RPSA2: variants seen among roughly 807,000 people sequenced by gnomAD.
RPSA2 encodes small ribosomal subunit protein uS2B.
the RPSA2 span, among the ~76,000 whole-genome samples, chr19:23,839,548 T>TA: frequency 6.6e-6 from 1 of 152,144 alleles, no homozygotes; most frequent in East Asian, 1.9e-4. Flanking sequence ...TGTGGTAAAA[T>TA]AAAAAGGCTT....
chr19:23,779,024 G>A, the RPSA2 span, among the ~76,000 whole-genome samples: 20 of 100,706 alleles, frequency 2.0e-4, no homozygotes, highest in East Asian at 6.9e-4. Flanking sequence ...TTTTTGAGAC[G>A]GAGTCTCGCT....
At chr19:23,807,585 T>G in the RPSA2 span, among the ~76,000 whole-genome samples, 1 of 152,234 alleles carries the variant, frequency 6.6e-6, no homozygotes, top group Admixed American at 6.5e-5. Context: ...ATTTTATACT[T>G]TATCATCCAG....
the RPSA2 span, among the ~76,000 whole-genome samples, chr19:23,830,534 C>G: frequency 2.0e-5 from 3 of 151,938 alleles, no homozygotes; most frequent in Admixed American, 2.0e-4. Flanking sequence ...TTATAAATAT[C>G]TTTCTGTGAT....
At chr19:23,786,458 A>C in the RPSA2 span, among the ~76,000 whole-genome samples, 148,915 of 152,238 alleles carry the variant, frequency 0.98, 72,925 homozygotes, top group Middle Eastern at 1. Flanking sequence ...TTGGGGACCC[A>C]ACAAATTTTA....
At chr19:23,863,773 A>G in the RPSA2 span, among the ~76,000 whole-genome samples, 1 of 152,218 alleles carries the variant, frequency 6.6e-6, no homozygotes, top group Non-Finnish European at 1.5e-5. Flanking sequence ...TAATAATGAA[A>G]TAATCTCTAA....
At chr19:23,761,901 A>ATTCTTTCTTTCTTTCT in the RPSA2 span, among the ~76,000 whole-genome samples, 1 of 34,016 alleles carries the variant, frequency 2.9e-5, no homozygotes, top group Non-Finnish European at 6.7e-5. Flanking sequence ...GGGTAACGTA[A>ATTCTTTCTTTCTTTCT]TTCTTTCTTT....
the RPSA2 span, among the ~76,000 whole-genome samples, chr19:23,768,821 C>T: frequency 1.3e-5 from 2 of 151,060 alleles, no homozygotes; most frequent in South Asian, 2.1e-4. Context: ...CTCCTGACCT[C>T]AGCCAATCCG....
At chr19:23,855,003 C>G in the RPSA2 span, among the ~76,000 whole-genome samples, 5 of 152,278 alleles carry the variant, frequency 3.3e-5, no homozygotes, top group East Asian at 9.6e-4. Context: ...TGAACAGCAT[C>G]TTGTAATTTA....
chr19:23,836,064 A>G, the RPSA2 span, among the ~76,000 whole-genome samples: 1 of 152,172 alleles, frequency 6.6e-6, no homozygotes, highest in Non-Finnish European at 1.5e-5. Flanking sequence ...TAAGTTCTTT[A>G]GTGGTGATTT....
At chr19:23,858,076 A>G in the RPSA2 span, among the ~76,000 whole-genome samples, 2 of 148,348 alleles carry the variant, frequency 1.3e-5, no homozygotes, top group Non-Finnish European at 3.0e-5. Context: ...CATGGGAAAG[A>G]CTCTGTATAA....
the RPSA2 span, among the ~76,000 whole-genome samples, chr19:23,810,244 A>G: frequency 1.3e-5 from 2 of 151,984 alleles, no homozygotes; most frequent in Non-Finnish European, 2.9e-5. Flanking sequence ...ATACAAAAAA[A>G]TTAGCCGGGC....
At chr19:23,846,493 GA>G in the RPSA2 span, among the ~76,000 whole-genome samples, 5 of 151,988 alleles carry the variant, frequency 3.3e-5, no homozygotes, top group African/African-American at 1.2e-4. Context: ...TAATGATGGT[GA>G]ATATCAATCT....
At chr19:23,801,443 A>C in the RPSA2 span, among the ~76,000 whole-genome samples, 1 of 152,104 alleles carries the variant, frequency 6.6e-6, no homozygotes, top group Admixed American at 6.5e-5. Flanking sequence ...GGGCTTCACC[A>C]TGTTGGCCAG....
chr19:23,787,696 C>T, the RPSA2 span, among the ~76,000 whole-genome samples: 3 of 152,302 alleles, frequency 2.0e-5, no homozygotes, highest in South Asian at 6.2e-4. Context: ...GTTACCTGGT[C>T]TCTGCTCACA....
the RPSA2 span, among the ~76,000 whole-genome samples, chr19:23,801,036 T>C: frequency 4.6e-5 from 7 of 152,304 alleles, no homozygotes; most frequent in African/African-American, 1.7e-4. Flanking sequence ...GTGTAACAAG[T>C]GTGCATTGAG....
the RPSA2 span, among the ~76,000 whole-genome samples, chr19:23,807,423 A>C: frequency 6.6e-6 from 1 of 152,346 alleles, no homozygotes; most frequent in African/African-American, 2.4e-5. Flanking sequence ...TGTACACATT[A>C]AAATTTGAGT....
At chr19:23,785,941 C>G in the RPSA2 span, among the ~76,000 whole-genome samples, 2 of 152,248 alleles carry the variant, frequency 1.3e-5, no homozygotes, top group Admixed American at 1.3e-4. Context: ...AGTGTCATTC[C>G]AGGGTTCAGC....
the RPSA2 span, among the ~76,000 whole-genome samples, chr19:23,853,478 C>T: frequency 1.3e-5 from 2 of 152,176 alleles, no homozygotes; most frequent in African/African-American, 4.8e-5. Flanking sequence ...AGAGAGCAGC[C>T]ACTGATCAAA....
chr19:23,832,571 A>C, the RPSA2 span: 1 of 1,011,188 alleles, frequency 9.9e-7, no homozygotes, highest in Non-Finnish European at 1.4e-6. Flanking sequence ...AGAATGTGGC[A>C]ATGCTTTTAG....
Sources: gnomAD v4.1 joint callset for allele counts (sites outside exome capture counted in the v4.1 genomes callset) on GRCh38, gnomAD v4.1.1 for gene constraint, MANE v1.5 for transcripts, NCBI Gene and HGNC (gene_info 2026-07-23, HGNC 2026-07-21) for gene names.